Variants in NELL1 observed in about 807,000 individuals in gnomAD.
The protein encoded by NELL1 is neural EGFL like 1.
Under a neutral mutation model 107.4 loss-of-function variants are expected in NELL1, and 76 were observed. That is an observed-to-expected ratio of 0.71 (90% CI 0.59 to 0.86). The LOEUF (loss-of-function observed/expected upper bound fraction) is 0.86, where lower values mean the gene tolerates loss of function less well. Ranked by LOEUF, NELL1 falls within the 40% of genes least tolerant of loss-of-function variation. NELL1 has a pLI of 0.00. For missense variants in NELL1, 1,024 were observed against 1,005.5 expected (o/e 1.02, Z -0.25); for synonymous variants, 353 against 341.2 (o/e 1.03, Z -0.38).
intron 2 of NELL1, among the ~76,000 whole-genome samples, chr11:20,687,377 T>A (rs1256191491): frequency 6.6e-6 from 1 of 152,036 alleles, no homozygotes; most frequent in Non-Finnish European, 1.5e-5. Context: ...ATGTCATATG[T>A]CATGTGGTGT....
intron 14 of NELL1, among the ~76,000 whole-genome samples, chr11:21,318,416 A>T (rs1332023644): frequency 2.6e-5 from 4 of 152,130 alleles, no homozygotes; most frequent in Non-Finnish European, 4.4e-5. Context: ...CTTCCCAGAA[A>T]ATCATTTCTA....
At chr11:20,948,674 A>T (rs1360885262) in intron 11 of NELL1, among the ~76,000 whole-genome samples, 1 of 151,054 alleles carries the variant, frequency 6.6e-6, no homozygotes, top group Admixed American at 6.6e-5. Context: ...CCTATGTCTT[A>T]AAACCCAGCT....
chr11:21,411,587 T>G (rs772285075), intron 15 of NELL1, among the ~76,000 whole-genome samples: 29 of 152,072 alleles, frequency 1.9e-4, no homozygotes, highest in Non-Finnish European at 1.3e-4. Flanking sequence ...GACCCTTACC[T>G]CAGGTAAAAT....
intron 1 of NELL1, among the ~76,000 whole-genome samples, chr11:20,675,485 G>C (rs1421384846): frequency 1.3e-5 from 2 of 152,114 alleles, no homozygotes; most frequent in Non-Finnish European, 2.9e-5. Flanking sequence ...TAAGTTGAGA[G>C]CCTGCCTGCC....
At chr11:21,126,744 G>C (rs537147966) in intron 13 of NELL1, among the ~76,000 whole-genome samples, 2 of 152,198 alleles carry the variant, frequency 1.3e-5, no homozygotes, top group Non-Finnish European at 2.9e-5. Context: ...AAAGCCGCTT[G>C]CCTTGAGAAG....
At chr11:20,762,357 G>A (rs1278149510) in intron 2 of NELL1, among the ~76,000 whole-genome samples, 1 of 152,174 alleles carries the variant, frequency 6.6e-6, no homozygotes, top group Non-Finnish European at 1.5e-5. Flanking sequence ...TGTACACTGA[G>A]CACGTCTGCG....
intron 13 of NELL1, among the ~76,000 whole-genome samples, chr11:21,124,513 ATTTC>A (rs1191646439): frequency 4.6e-5 from 7 of 152,022 alleles, no homozygotes. Flanking sequence ...AACAATAGGA[ATTTC>A]TTTCTCACAG....
At chr11:21,360,714 TTATA>T (rs1283359848) in intron 14 of NELL1, among the ~76,000 whole-genome samples, 26 of 152,142 alleles carry the variant, frequency 1.7e-4, no homozygotes. Context: ...TCCTTCATCT[TTATA>T]TAATGTTCCT....
intron 13 of NELL1, among the ~76,000 whole-genome samples, chr11:21,127,647 G>A (rs930246096): frequency 2.6e-5 from 4 of 151,926 alleles, no homozygotes; most frequent in African/African-American, 9.7e-5. Context: ...AGGAGGGGGA[G>A]GACAGGGAGG....
At chr11:20,786,162 C>T (rs1305927533) in intron 3 of NELL1, among the ~76,000 whole-genome samples, 3 of 151,452 alleles carry the variant, frequency 2.0e-5, no homozygotes, top group African/African-American at 4.8e-5. Flanking sequence ...ACCAGCTGAC[C>T]GACATGGTGA....
intron 15 of NELL1, among the ~76,000 whole-genome samples, chr11:21,455,748 A>G (rs544409415): frequency 7.2e-5 from 11 of 152,034 alleles, no homozygotes; most frequent in Non-Finnish European, 1.0e-4. Flanking sequence ...TCTTAGGTAT[A>G]TGATGTTATG....
intron 5 of NELL1, among the ~76,000 whole-genome samples, chr11:20,897,782 G>T (rs1849779920): frequency 3.3e-5 from 5 of 152,200 alleles, no homozygotes; most frequent in African/African-American, 1.2e-4. Flanking sequence ...CTTCTTAAAA[G>T]AAGACATTTA....
chr11:20,778,590 A>G (rs948706150), intron 2 of NELL1, among the ~76,000 whole-genome samples: 9 of 135,838 alleles, frequency 6.6e-5, no homozygotes, highest in African/African-American at 2.2e-4. Context: ...GAGCCGTCTT[A>G]TCCTGGGAAA....
intron 12 of NELL1, among the ~76,000 whole-genome samples, chr11:21,046,748 G>A (rs1353712286): frequency 6.6e-6 from 1 of 151,532 alleles, no homozygotes; most frequent in Non-Finnish European, 1.5e-5. Context: ...TGTCACCCAG[G>A]CTGGAGTGCA....
At chr11:21,286,482 C>A (rs1849117908) in intron 14 of NELL1, among the ~76,000 whole-genome samples, 1 of 152,174 alleles carries the variant, frequency 6.6e-6, no homozygotes, top group African/African-American at 2.4e-5. Context: ...GCCCCCTGCA[C>A]CTCCAATGCC....
chr11:21,309,292 ATATATATGTAT>A (rs1436667234), intron 14 of NELL1, among the ~76,000 whole-genome samples: 2 of 82,080 alleles, frequency 2.4e-5, no homozygotes, highest in Non-Finnish European at 6.2e-5. Flanking sequence ...ATATATATAT[ATATATATGTAT>A]ATATATATAA....
chr11:21,486,815 T>C (rs193094171), intron 15 of NELL1, among the ~76,000 whole-genome samples: 2 of 152,120 alleles, frequency 1.3e-5, no homozygotes, highest in East Asian at 1.9e-4. Context: ...GAAGAAATCA[T>C]TGAATGAAAT....
At chr11:21,005,163 A>C (rs1830769234) in intron 12 of NELL1, among the ~76,000 whole-genome samples, 2 of 152,290 alleles carry the variant, frequency 1.3e-5, no homozygotes, top group South Asian at 4.1e-4. Context: ...ATATTTACCA[A>C]CATGAGTGGT....
chr11:21,166,115 A>C (rs373458414), intron 13 of NELL1, among the ~76,000 whole-genome samples: 2 of 151,812 alleles, frequency 1.3e-5, no homozygotes, highest in East Asian at 1.9e-4. Context: ...TAAGTGAAAT[A>C]AGTCAGGCAC....
Sources: gnomAD v4.1 joint callset for allele counts (sites outside exome capture counted in the v4.1 genomes callset) on GRCh38, gnomAD v4.1.1 for gene constraint, MANE v1.5 for transcripts, NCBI Gene and HGNC (gene_info 2026-07-23, HGNC 2026-07-21) for gene names.